Variants in FOXP2 observed in about 807,000 individuals in gnomAD.
FOXP2 encodes forkhead box P2.
In FOXP2, 12 loss-of-function variants were observed where a neutral mutation model predicts 115.8. The ratio of observed to expected loss-of-function variants is 0.10; its 90% CI spans 0.07 to 0.17. The LOEUF is 0.17. Among genes scored for constraint, FOXP2 ranks in the 10% least tolerant of loss-of-function variants. FOXP2 has a pLI of 1.00. For synonymous variants in FOXP2, 328 were observed against 297.7 expected (o/e 1.10, Z -1.05); for missense variants, 629 against 843.5 (o/e 0.75, Z 3.15).
intron 13 of FOXP2, among the ~76,000 whole-genome samples, chr7:114,661,481 A>T (rs1806857406): frequency 6.6e-6 from 1 of 151,984 alleles, no homozygotes; most frequent in African/African-American, 2.4e-5. Context: ...TTGGGAATTT[A>T]AAAAAAATCT....
At chr7:114,538,721 G>T (rs1799512800) in intron 3 of FOXP2, among the ~76,000 whole-genome samples, 1 of 151,682 alleles carries the variant, frequency 6.6e-6, no homozygotes, top group Non-Finnish European at 1.5e-5. Context: ...TGAAGTAAGT[G>T]AGGTATCTTA....
chr7:114,361,818 T>C (rs1791751505), intron 2 of FOXP2, among the ~76,000 whole-genome samples: 1 of 152,096 alleles, frequency 6.6e-6, no homozygotes, highest in Non-Finnish European at 1.5e-5. Flanking sequence ...GCTTATGGAA[T>C]GCATTTTTTC....
chr7:114,575,733 G>A (rs1801541744), intron 3 of FOXP2, among the ~76,000 whole-genome samples: 1 of 151,812 alleles, frequency 6.6e-6, no homozygotes, highest in South Asian at 2.1e-4. Flanking sequence ...GGAAATACAT[G>A]CAGCAATGTT....
rs750465119 is a variant in FOXP2, at chr7:114,493,789, GT to G, written c.169-40826del. 7.3e-5 allele frequency among the ~76,000 whole-genome samples: 11 copies of G among 151,104 alleles called. No homozygotes were observed. In the East Asian group the frequency reaches 2.1e-3, roughly 29 times the overall value. On this transcript the variant is annotated intron_variant, in intron 2 of 16. Coordinates refer to ENST00000350908, the MANE Select transcript of FOXP2 (RefSeq NM_014491.4). ...CTTTAATAGATTTGTGCCCTTCTAC[GT>G]TGTGGATGCTTTCTGCATCATGGAG...
chr7:114,676,590 G>A (rs1206291086), intron 16 of FOXP2, among the ~76,000 whole-genome samples: 1 of 152,126 alleles, frequency 6.6e-6, no homozygotes, highest in Admixed American at 6.5e-5. Context: ...GATTACTATA[G>A]AAGTATGTTA....
chr7:114,677,440 A>G (rs1188451427), intron 16 of FOXP2, among the ~76,000 whole-genome samples: 2 of 152,224 alleles, frequency 1.3e-5, no homozygotes, highest in African/African-American at 2.4e-5. Context: ...TATTCATAGT[A>G]CTTTTTTATT....
At chr7:114,285,498 T>A (rs1796445690) in intron 1 of FOXP2, 1 of 152,124 alleles carries the variant, frequency 6.6e-6, no homozygotes, top group Non-Finnish European at 1.5e-5. Context: ...AGCTAATATA[T>A]TTTACAGTAG....
At chr7:114,675,068 A>G (rs753491008) in intron 16 of FOXP2, among the ~76,000 whole-genome samples, 35 of 152,042 alleles carry the variant, frequency 2.3e-4, no homozygotes, top group Non-Finnish European at 4.0e-4. Context: ...ACAAAATATT[A>G]CTCTAAAAGT....
chr7:114,220,569 G>A (rs370284970), intron 1 of FOXP2, among the ~76,000 whole-genome samples: 4 of 152,208 alleles, frequency 2.6e-5, no homozygotes, highest in African/African-American at 9.6e-5. Flanking sequence ...GCTTTAGACA[G>A]GATTTTAAGT....
At chr7:114,548,626 G>A (rs537445608) in intron 3 of FOXP2, among the ~76,000 whole-genome samples, 9 of 152,220 alleles carry the variant, frequency 5.9e-5, no homozygotes, top group Non-Finnish European at 1.0e-4. Flanking sequence ...AGGGTTTTAA[G>A]TTTTAATATT....
chr7:114,615,118 C>A (rs1283609226), intron 3 of FOXP2, among the ~76,000 whole-genome samples: 1 of 152,044 alleles, frequency 6.6e-6, no homozygotes, highest in Admixed American at 6.6e-5. Context: ...ACTCGTGAGG[C>A]TGAGTCAGGA....
intron 3 of FOXP2, among the ~76,000 whole-genome samples, chr7:114,547,528 C>A (rs1034896453): frequency 6.6e-6 from 1 of 152,078 alleles, no homozygotes; most frequent in Admixed American, 6.6e-5. Flanking sequence ...GAGGCCGAGG[C>A]GGGCGGGTCA....
rs143030016 is a variant in FOXP2, at chr7:114,280,882, G to A, written c.-101-7137G>A. On this transcript the variant is annotated intron_variant, in intron 1 of 17. Coordinates refer to the FOXP2 transcript ENST00000634411. ...ACCCTGTGCTTACTTTTGCTTACAT[G>A]ATATCACATTTTAACTTATGATCTA... Among the ~76,000 whole-genome samples the A allele has an allele frequency of 2.6e-5, 4 of 152,054 alleles. No homozygotes were observed. In the East Asian group the frequency reaches 7.8e-4, roughly 30 times the overall value.
chr7:114,604,203 C>T lies in FOXP2; in HGVS notation c.259-24337C>T, dbSNP rs189462278. ...TTGCAGATGGTAAGCTTAGTGAATC[C>T]GCACCTGGCAAAAAGAGAACTGGAG... On this transcript the variant is annotated intron_variant, in intron 3 of 16. Coordinates refer to ENST00000350908, the MANE Select transcript of FOXP2 (RefSeq NM_014491.4). Among the ~76,000 whole-genome samples, 824 of 152,166 alleles carry T rather than the reference C, an allele frequency of 5.4e-3. 2 individuals carry two copies. The highest frequency in any genetic ancestry group is 8.9e-3 in the South Asian group (43 of 4,826).
At chr7:114,598,593 C>T (rs913078486) in intron 3 of FOXP2, among the ~76,000 whole-genome samples, 2 of 151,902 alleles carry the variant, frequency 1.3e-5, no homozygotes, top group African/African-American at 4.8e-5. Context: ...CTAAAGTCAC[C>T]TTTAATTTTT....
At chr7:114,229,812 G>A (rs1476320061) in intron 1 of FOXP2, among the ~76,000 whole-genome samples, 1 of 151,188 alleles carries the variant, frequency 6.6e-6, no homozygotes, top group African/African-American at 2.4e-5. Flanking sequence ...CCCAAATAAT[G>A]AACTTGACTC....
At chr7:114,278,786 A>G (rs775595271) in intron 1 of FOXP2, among the ~76,000 whole-genome samples, 2 of 152,148 alleles carry the variant, frequency 1.3e-5, no homozygotes, top group African/African-American at 2.4e-5. Flanking sequence ...ATATTTTCTC[A>G]CCCAACCTCA....
intron 1 of FOXP2, among the ~76,000 whole-genome samples, chr7:114,111,949 G>A (rs1315364139): frequency 6.6e-6 from 1 of 151,958 alleles, no homozygotes; most frequent in Non-Finnish European, 1.5e-5. Context: ...TATTCAAGCA[G>A]AAGAAGTTGT....
chr7:114,128,462 A>G (rs1791781240), intron 1 of FOXP2, among the ~76,000 whole-genome samples: 1 of 144,852 alleles, frequency 6.9e-6, no homozygotes, highest in African/African-American at 2.6e-5. Context: ...TCTATTGTTT[A>G]TGAAACAGAT....
Sources: allele counts gnomAD v4.1 joint callset (sites outside exome capture counted in the v4.1 genomes callset), GRCh38; gene constraint gnomAD v4.1.1; transcripts MANE v1.5; gene names NCBI Gene and HGNC (gene_info 2026-07-23, HGNC 2026-07-21).